Variants in IDUA observed in about 807,000 individuals in gnomAD.
The protein encoded by IDUA is iduronidase alpha-L-.
A neutral mutation model predicts 68.9 loss-of-function variants in IDUA; 65 were observed. That is an observed-to-expected ratio of 0.94 (90% CI 0.77 to 1.16). The LOEUF is 1.16. IDUA is among the 50% of genes most tolerant of loss of function. The pLI is 0.00. For missense variants in IDUA, 1,046 were observed against 938.0 expected, an observed-to-expected ratio of 1.12 and a Z score of -1.50; for synonymous variants, 529 against 433.6, an observed-to-expected ratio of 1.22 and a Z score of -2.73.
intron 2 of IDUA, among the ~76,000 whole-genome samples, chr4:995,738 C>G (rs763297248): frequency 2.6e-5 from 4 of 152,166 alleles, no homozygotes; most frequent in Non-Finnish European, 4.4e-5. Context: ...CCTGGACACT[C>G]ACCCCACCAA....
rs58780485 is a variant in IDUA, at chr4:990,482, C to T, written c.299+2533C>T. 6.0e-3 allele frequency: 6,057 copies of T among 1,007,712 alleles called. 239 individuals are homozygous for T. In the African/African-American group the frequency reaches 0.084, roughly 14 times the overall value. 62.4% of individuals were successfully genotyped at this position (1,007,712 alleles called of 1,614,324 possible). ...CACAGGACCTGACAATTCTGTGTTG[C>T]GGCCCCGTGTGTTCCAAACCAGACT... On this transcript the variant is annotated intron_variant, in intron 2 of 13. Coordinates refer to ENST00000514224, the MANE Select transcript of IDUA (RefSeq NM_000203.5).
intron 2 of IDUA, chr4:992,131 C>T (rs1266100014): frequency 2.1e-6 from 1 of 485,448 alleles, no homozygotes; most frequent in Middle Eastern, 3.1e-4. Context: ...TGGGCTGCCA[C>T]CACGCACATG....
Position 1,003,198 on chromosome 4 carries a change from G to GGCCGT in IDUA, c.1524+42_1524+43insCCGTG, listed in dbSNP as rs574894559. 5.7e-4 allele frequency: 747 copies of GGCCGT among 1,301,806 alleles called. 4 individuals are homozygous for GGCCGT. In the African/African-American group the frequency reaches 9.5e-3, roughly 16 times the overall value. The allele number at this position is 1,301,806 out of a possible 1,614,324, so 80.6% of individuals were successfully genotyped here. A position where few individuals can be genotyped will look rare whatever the true frequency, so the allele number is the denominator to read the frequency against. On this transcript the variant is annotated intron_variant, in intron 10 of 13. Coordinates refer to ENST00000514224, the MANE Select transcript of IDUA (RefSeq NM_000203.5). ...AGGGGCGAGGGGCCGGGCCGGGCCGGGGTCCCGGGGGGGTGGGGTCCGGGG... is the reference window on the plus strand; with the variant it reads ...AGGGGCGAGGGGCCGGGCCGGGCCGGGCCGTGGTCCCGGGGGGGTGGGGTCCGGGG...
At chr4:1,003,264 G>C in intron 10 of IDUA, 81 bp from the exon 11 acceptor site, 2 of 1,346,978 alleles carry the variant, frequency 1.5e-6, no homozygotes, top group Non-Finnish European at 1.9e-6. Context: ...TGGAGCGGTG[G>C]GCCGGGGGCG....
At chr4:995,475 C>T (rs1403854335) in intron 2 of IDUA, among the ~76,000 whole-genome samples, 1 of 152,234 alleles carries the variant, frequency 6.6e-6, no homozygotes, top group Non-Finnish European at 1.5e-5. Context: ...GGCTGCAGCC[C>T]TCAGTGCTCT....
intron 3 of IDUA, 36 bp downstream of exon 3, chr4:1,000,733 A>G (rs1287338499): frequency 6.5e-7 from 1 of 1,544,264 alleles, no homozygotes; most frequent in Non-Finnish European, 8.9e-7. Flanking sequence ...GCCCGCCTGC[A>G]CCCCCTTGCC....
At chr4:987,429 G>A (rs1262102435) in intron 1 of IDUA, among the ~76,000 whole-genome samples, 187 bp downstream of exon 1, 3 of 152,150 alleles carry the variant, frequency 2.0e-5, no homozygotes, top group Non-Finnish European at 4.4e-5. Context: ...GCGTGAGCCT[G>A]GGCCGCCCCC....
rs1176415364 is a variant in IDUA at position 987,954 on chromosome 4, G to T, written c.299+5G>T. On this transcript the variant is annotated splice_donor_5th_base_variant and intron_variant, in intron 2 of 13. Transcript: ENST00000514224. ...GCTGGAGCTTGTCACCACCAGGTGG[G>T]CGGCGGGCAGGGTCTGGGCGTCCCA... The T allele has an allele frequency of 1.3e-6, 2 of 1,567,714 alleles. No individual in the cohort carries two copies. The highest frequency in any genetic ancestry group is 1.2e-5 in the South Asian group (1 of 86,004).
Position 987,228 on chromosome 4 carries a change from G to C in IDUA, c.144G>C (p.Arg48Ser), listed in dbSNP as rs1025057731. 1.3e-6 allele frequency: 2 copies of C among 1,504,506 alleles called. No homozygotes were observed. The highest frequency in any genetic ancestry group is 1.2e-5 in the South Asian group (1 of 80,840). 93.2% of individuals were successfully genotyped at this position (1,504,506 alleles called of 1,614,324 possible). A position where few individuals can be genotyped will look rare whatever the true frequency, so the allele number is the denominator to read the frequency against. The stretch of plus-strand genomic sequence containing the variant: ...TGTGGCCCCTGCGGCGCTTCTGGAG[G>C]AGCACAGGCTTCTGGTGAGCGCTCC... ...RALWPLRRFW[R>S]STGFCPPLPH... Residue 48 changes from arginine to serine, a missense_variant, in exon 1 of 14, where the codon AGG (arginine) becomes AGC (serine). Physicochemically the swap from Arg to Ser is moderately radical, Grantham distance 110 (BLOSUM62 -1). Transcript: ENST00000514224.
intron 2 of IDUA, among the ~76,000 whole-genome samples, chr4:999,265 G>A (rs1337446696): frequency 6.6e-6 from 1 of 151,896 alleles, no homozygotes; most frequent in Non-Finnish European, 1.5e-5. Flanking sequence ...AACCTTGAAA[G>A]GGATCCTTGT....
At chr4:989,493 C>G in intron 2 of IDUA, 1 of 1,554,258 alleles carries the variant, frequency 6.4e-7, no homozygotes, top group African/African-American at 1.4e-5. Flanking sequence ...TGCTGACCAG[C>G]ATACAGGTGG....
At chr4:991,376 G>A (rs772580320) in intron 2 of IDUA, 3 of 1,612,870 alleles carry the variant, frequency 1.9e-6, no homozygotes, top group Non-Finnish European at 2.5e-6. Context: ...AAGTAGATGA[G>A]GTTGGCGAAG....
intron 2 of IDUA, among the ~76,000 whole-genome samples, chr4:997,430 G>T (rs1714805948): frequency 6.8e-6 from 1 of 146,922 alleles, no homozygotes; most frequent in Non-Finnish European, 1.5e-5. Context: ...GCGCGGCCCC[G>T]CCCCGCGCAC....
intron 4 of IDUA, 93 bp downstream of exon 4, chr4:1,001,082 G>A (rs1161799379): frequency 1.1e-6 from 1 of 890,528 alleles, no homozygotes. Flanking sequence ...CTGGTCAGGA[G>A]ATACATTGGT....
chr4:1,003,390 C>G lies in IDUA; in HGVS notation c.1570C>G (p.Leu524Val). 5 of 1,508,712 alleles carry G rather than the reference C, an allele frequency of 3.3e-6. No homozygotes were observed. Among genetic ancestry groups the G allele is most frequent in the Non-Finnish European group, 4.4e-6 (5 of 1,137,190 alleles). The allele number at this position is 1,508,712 out of a possible 1,614,324, so 93.5% of individuals were successfully genotyped here. Residue 524 changes from leucine (L) to valine (V), a missense_variant, in exon 11 of 14, where the codon CTG becomes GTG. Coordinates refer to ENST00000514224, the MANE Select transcript of IDUA (RefSeq NM_000203.5). ...CCGCCCCTTACCCGCCGGCGGCCGC[C>G]TGACCCTGCGCCCCGCGCTGCGGCT... ...APRPLPAGGR[L>V]TLRPALRLPS...
chr4:988,836 C>T (rs1447073516), intron 2 of IDUA: 3 of 1,591,410 alleles, frequency 1.9e-6, no homozygotes, highest in South Asian at 2.3e-5. Flanking sequence ...GGCCCTGCTA[C>T]AGATGGGCAT....
chr4:989,036 G>A lies in IDUA; in HGVS notation c.299+1087G>A, dbSNP rs1162410484. The A allele has an allele frequency of 3.2e-6, 5 of 1,581,044 alleles. No individual in the cohort carries two copies. In the South Asian group the frequency reaches 3.4e-5, roughly 11 times the overall value. ...CTGATGCCCAGGGCCCCGTAGTCTC[G>A]GCGCAGGTCCTGCAGCGTGCTCACA... On this transcript the variant is annotated intron_variant, in intron 2 of 13. Coordinates refer to ENST00000514224, the MANE Select transcript of IDUA (RefSeq NM_000203.5).
At chr4:1,002,516 A>C in intron 8 of IDUA, 31 bp downstream of exon 8, 1 of 1,465,632 alleles carries the variant, frequency 6.8e-7, no homozygotes, top group Non-Finnish European at 9.0e-7. Context: ...TGGGCCGGCC[A>C]GGGCCCTCCA....
intron 2 of IDUA, chr4:991,035 C>T: frequency 1.5e-6 from 2 of 1,295,422 alleles, no homozygotes; most frequent in Non-Finnish European, 2.1e-6. Flanking sequence ...CTCTGCCAAC[C>T]CTGTGCTTGC....
Sources: allele counts gnomAD v4.1 joint callset (sites outside exome capture counted in the v4.1 genomes callset), GRCh38; gene constraint gnomAD v4.1.1; transcripts MANE v1.5; gene names NCBI Gene and HGNC (gene_info 2026-07-23, HGNC 2026-07-21).